Variants in SLC25A26 observed in about 807,000 individuals in gnomAD.
SLC25A26 encodes the protein mitochondrial S-adenosylmethionine carrier protein.
A neutral mutation model predicts 37.8 loss-of-function variants in SLC25A26; 36 were observed. The observed-to-expected ratio is 0.95, with a 90% CI of 0.73 to 1.26. SLC25A26 has a LOEUF of 1.26. SLC25A26 is among the 50% of genes most tolerant of loss of function. The pLI is 0.00. For missense variants in SLC25A26, 390 were observed against 331.1 expected (o/e 1.18, Z -1.38); for synonymous variants, 129 against 122.5 (o/e 1.05, Z -0.35).
chr3:66,157,068 A>C (rs1358663007), intron 1 of SLC25A26, among the ~76,000 whole-genome samples: 1 of 152,108 alleles, frequency 6.6e-6, no homozygotes, highest in African/African-American at 2.4e-5. Context: ...CCCCATCTCC[A>C]CAAAAAATAA....
intron 3 of SLC25A26, among the ~76,000 whole-genome samples, chr3:66,251,162 G>T (rs1324353251): frequency 6.6e-6 from 1 of 152,128 alleles, no homozygotes; most frequent in Non-Finnish European, 1.5e-5. Context: ...GCGAAGCAGG[G>T]GCTGAGAGCT....
At chr3:66,225,809 G>A (rs1404578745) in intron 1 of SLC25A26, among the ~76,000 whole-genome samples, 2 of 152,100 alleles carry the variant, frequency 1.3e-5, no homozygotes, top group African/African-American at 2.4e-5. Flanking sequence ...CTAGGGCAGG[G>A]GCAAAATGCT....
At chr3:66,273,691 A>G (rs2107375288) in intron 5 of SLC25A26, among the ~76,000 whole-genome samples, 1 of 152,326 alleles carries the variant, frequency 6.6e-6, no homozygotes, top group East Asian at 1.9e-4. Flanking sequence ...CTAGCTTACA[A>G]GGGACGTGAA....
chr3:66,289,754 A>C (rs1421386429), intron 5 of SLC25A26, among the ~76,000 whole-genome samples: 1 of 152,200 alleles, frequency 6.6e-6, no homozygotes, highest in African/African-American at 2.4e-5. Context: ...AGGTAGCGTG[A>C]TGCCTCCAGC....
chr3:66,369,440 A>G (rs1209727233), intron 7 of SLC25A26, 38 bp from the exon 8 acceptor site: 21 of 1,558,704 alleles, frequency 1.3e-5, no homozygotes, highest in Non-Finnish European at 1.8e-5. Context: ...TATACAGTAA[A>G]CAGGATCTCA....
chr3:66,257,028 T>C (rs1367534474), intron 3 of SLC25A26, among the ~76,000 whole-genome samples: 1 of 152,228 alleles, frequency 6.6e-6, no homozygotes, highest in Non-Finnish European at 1.5e-5. Context: ...AGCTGATTAG[T>C]AAGTTTGGTG....
chr3:66,173,157 T>C (rs888427996), intron 1 of SLC25A26, among the ~76,000 whole-genome samples: 1 of 152,202 alleles, frequency 6.6e-6, no homozygotes, highest in Non-Finnish European at 1.5e-5. Flanking sequence ...GCATTTTTTG[T>C]CCAGTTGTAA....
At chr3:66,224,059 A>G (rs1553659615) in intron 1 of SLC25A26, among the ~76,000 whole-genome samples, 2 of 152,222 alleles carry the variant, frequency 1.3e-5, no homozygotes. Context: ...AGAATGTACT[A>G]TAATTACATG....
At chr3:66,220,142 C>G (rs781934828), upstream of SLC25A26, among the ~76,000 whole-genome samples, 12 of 152,288 alleles carry the variant, frequency 7.9e-5, no homozygotes, top group Middle Eastern at 0.01. Flanking sequence ...ATTTTCAGTG[C>G]TTGCTCTGCT....
chr3:66,234,015 G>A lies in SLC25A26; in HGVS notation c.34-2529G>A, dbSNP rs553575612. On this transcript the variant is annotated intron_variant, in intron 1 of 9. Transcript: ENST00000354883. ...ATGTTTTTAAATAATCTAGTCGCAC[G>A]AGACATTTTCGCCAGGGTTCTATTC... Among the ~76,000 whole-genome samples, 59 of 152,302 alleles carry A rather than the reference G, an allele frequency of 3.9e-4. No individual in the cohort carries two copies. In the South Asian group the frequency reaches 0.012, roughly 30 times the overall value.
At chr3:66,214,785 A>T (rs930219244) in intron 1 of SLC25A26, among the ~76,000 whole-genome samples, 3 of 150,662 alleles carry the variant, frequency 2.0e-5, no homozygotes, top group Admixed American at 6.6e-5. Flanking sequence ...ATTAACTGAA[A>T]TTTTTTTTTT....
At chr3:66,150,325 C>T in intron 1 of SLC25A26, among the ~76,000 whole-genome samples, 1 of 150,964 alleles carries the variant, frequency 6.6e-6, no homozygotes, top group East Asian at 2.0e-4. Flanking sequence ...TGATGAAATC[C>T]TGTCTTTACT....
chr3:66,351,924 T>A (rs1195748514), intron 6 of SLC25A26, among the ~76,000 whole-genome samples: 1 of 151,998 alleles, frequency 6.6e-6, no homozygotes, highest in African/African-American at 2.4e-5. Context: ...CAAAATATCT[T>A]CTTCACACAG....
chr3:66,309,629 C>A (rs908360599), intron 5 of SLC25A26, among the ~76,000 whole-genome samples: 5 of 152,102 alleles, frequency 3.3e-5, no homozygotes, highest in African/African-American at 1.2e-4. Flanking sequence ...CCCACTTTCG[C>A]CTGTGTGCAT....
At chr3:66,285,552 C>T (rs895962573) in intron 5 of SLC25A26, among the ~76,000 whole-genome samples, 3 of 150,304 alleles carry the variant, frequency 2.0e-5, no homozygotes, top group African/African-American at 4.9e-5. Context: ...CTCTGCCTCC[C>T]GGGTTCAAGT....
At chr3:66,258,192 C>T (rs769657692) in intron 3 of SLC25A26, among the ~76,000 whole-genome samples, 1 of 152,198 alleles carries the variant, frequency 6.6e-6, no homozygotes, top group Non-Finnish European at 1.5e-5. Context: ...CTCTGGCCAA[C>T]ACATGCAAGG....
chr3:66,376,488 A>G (rs7627907), intron 9 of SLC25A26, among the ~76,000 whole-genome samples: 43,681 of 152,150 alleles, frequency 0.29, 7,563 homozygotes, highest in East Asian at 0.71. Context: ...AAGACCCTCT[A>G]TCAGCCAGAA....
chr3:66,265,190 C>T (rs1450318127), intron 5 of SLC25A26, among the ~76,000 whole-genome samples: 1 of 151,936 alleles, frequency 6.6e-6, no homozygotes, highest in Non-Finnish European at 1.5e-5. Flanking sequence ...GCCTGTAATC[C>T]CAGCTACTTG....
chr3:66,273,975 C>T (rs1227224843), intron 5 of SLC25A26, among the ~76,000 whole-genome samples: 3 of 152,150 alleles, frequency 2.0e-5, no homozygotes, highest in African/African-American at 7.2e-5. Context: ...AAGCTGGAGG[C>T]ATCACACTAC....
Sources: gnomAD v4.1 joint callset for allele counts (sites outside exome capture counted in the v4.1 genomes callset) on GRCh38, gnomAD v4.1.1 for gene constraint, MANE v1.5 for transcripts, NCBI Gene and HGNC (gene_info 2026-07-23, HGNC 2026-07-21) for gene names.